Variants in TRAPPC11 observed in about 807,000 individuals in gnomAD.
TRAPPC11 encodes the protein foie gras homolog.
TRAPPC11 carries 104 observed loss-of-function variants against 151.2 expected under a neutral mutation model. That is an observed-to-expected ratio of 0.69 (90% CI 0.59 to 0.81). The LOEUF (loss-of-function observed/expected upper bound fraction) is 0.81. Among genes scored for constraint, TRAPPC11 ranks in the 30% least tolerant of loss-of-function variants. The pLI is 0.00. For missense variants in TRAPPC11, 1,230 were observed against 1,349.6 expected (o/e 0.91, Z 1.39); for synonymous variants, 456 against 472.3 (o/e 0.97, Z 0.45).
In TRAPPC11 at chr4:183,694,726, AT is replaced by A. The variant is rs150593522; in HGVS notation, c.2628+10del. The A allele has an allele frequency of 1.1e-3, 1,695 of 1,603,446 alleles. No individual in the cohort carries two copies. The highest frequency in any genetic ancestry group is 1.4e-3 in the Non-Finnish European group (1,639 of 1,177,618). On this transcript the variant is annotated splice_donor_region_variant and intron_variant, in intron 23 of 29. Transcript: ENST00000334690. ...AAATTGTTTGCAAGTGTCACAAGGT[AT>A]TTTTTTATAGCTACTTTATAAAGCA...
intron 7 of TRAPPC11, chr4:183,675,551 C>T: frequency 6.0e-6 from 1 of 166,056 alleles, no homozygotes; most frequent in Non-Finnish European, 1.3e-5. Context: ...CTGTAAAATT[C>T]TTGTAAGAGG....
rs1316768746 is a variant in TRAPPC11, at chr4:183,682,749, C to G, written c.1131C>G (p.Pro377=). Residue 377 remains proline, a synonymous_variant, in exon 11 of 30, where the codon CCC becomes CCG. Transcript: ENST00000334690. ...ATTTACAGGCTTCTGTAATGTATCC[C>G]AATCCTGATCCCTTAGAAACACAAA... is the stretch of plus-strand genomic sequence containing the variant. The part of the protein sequence containing the change: ...LCNHEASVMY[P]NPDPLETQTG... 1.2e-6 allele frequency: 2 copies of G among 1,612,882 alleles called. No individual in the cohort carries two copies. The highest frequency in any genetic ancestry group is 4.5e-5 in the East Asian group (2 of 44,840).
chr4:183,701,866 A>G (rs1736818917), intron 26 of TRAPPC11, 58 bp downstream of exon 26: 2 of 1,126,696 alleles, frequency 1.8e-6, no homozygotes, highest in Non-Finnish European at 2.7e-6. Context: ...TCATACCTTT[A>G]TTATTCATCT....
intron 25 of TRAPPC11, chr4:183,700,787 A>C (rs1210619707): frequency 4.6e-5 from 7 of 152,214 alleles, no homozygotes; most frequent in African/African-American, 1.2e-4. Context: ...GTGGGTGAGC[A>C]TCCCTCATCT....
chr4:183,705,394 T>C (rs1737005990), intron 27 of TRAPPC11, among the ~76,000 whole-genome samples: 1 of 152,234 alleles, frequency 6.6e-6, no homozygotes, highest in South Asian at 2.1e-4. Flanking sequence ...AATTCCAATG[T>C]TGAAATTTTC....
chr4:183,684,974 G>C, intron 15 of TRAPPC11, 110 bp from the exon 16 acceptor site: 5 of 1,304,576 alleles, frequency 3.8e-6, no homozygotes. Flanking sequence ...ACTGTGCTTA[G>C]TCATCTTAAA....
At chr4:183,698,978 C>T (rs944721067) in intron 25 of TRAPPC11, among the ~76,000 whole-genome samples, 1 of 152,208 alleles carries the variant, frequency 6.6e-6, no homozygotes, top group Non-Finnish European at 1.5e-5. Context: ...CCATTTCTCT[C>T]ACCTGGTCTA....
chr4:183,666,088 AC>A, intron 2 of TRAPPC11, 168 bp from the exon 3 acceptor site: 1 of 531,012 alleles, frequency 1.9e-6, no homozygotes, highest in Non-Finnish European at 3.2e-6. Context: ...TTGAGATTCC[AC>A]CTTCAACACT....
Position 183,667,998 on chromosome 4 carries a change from A to C in TRAPPC11, c.446-5A>C. On this transcript the variant is annotated splice_region_variant and splice_polypyrimidine_tract_variant and intron_variant, in intron 4 of 29. Transcript: ENST00000334690. The stretch of plus-strand genomic sequence containing the variant: ...CTCATTCATCTTGATGGGGATTATC[A>C]ACAGGAGAAGATGTCATTGCTTCAG... 1.3e-6 allele frequency: 2 copies of C among 1,544,102 alleles called. No homozygotes were observed. The highest frequency in any genetic ancestry group is 1.8e-6 in the Non-Finnish European group (2 of 1,117,234).
chr4:183,684,251 A>G (rs763960948), intron 13 of TRAPPC11, 28 bp downstream of exon 13: 7 of 1,612,850 alleles, frequency 4.3e-6, no homozygotes, highest in East Asian at 2.2e-5. Context: ...TCACCATTGC[A>G]TGCAACTTTG....
intron 26 of TRAPPC11, among the ~76,000 whole-genome samples, chr4:183,702,884 T>G (rs898261228): frequency 6.6e-6 from 1 of 152,210 alleles, no homozygotes; most frequent in Non-Finnish European, 1.5e-5. Flanking sequence ...TTTAAGGGAA[T>G]GTTTATACAA....
chr4:183,700,777 G>C (rs186725849), intron 25 of TRAPPC11: 54 of 152,272 alleles, frequency 3.5e-4, no homozygotes, highest in African/African-American at 1.2e-3. Context: ...ATTATACTTA[G>C]TGGGTGAGCA....
chr4:183,709,482 A>C (rs892372572), intron 29 of TRAPPC11, among the ~76,000 whole-genome samples: 3 of 152,116 alleles, frequency 2.0e-5, no homozygotes, highest in African/African-American at 7.2e-5. Flanking sequence ...CATACTTTTA[A>C]ATTGTAAAAG....
At position 183,694,666 on chromosome 4, in the gene TRAPPC11, T is replaced by C; in HGVS notation, c.2571T>C (p.Val857=). The C allele has an allele frequency of 1.2e-6, 2 of 1,610,638 alleles. No individual in the cohort carries two copies. The highest frequency in any genetic ancestry group is 1.7e-6 in the Non-Finnish European group (2 of 1,179,214). ...GTTCCAGAATGTTTCTTGTATATGT[T>C]TCTTACCTGATAAATACAACCGTTG... is the stretch of plus-strand genomic sequence containing the variant. ...TVGSRMFLVY[V]SYLINTTVEE... The change falls in exon 23 of 30, where the codon GTT becomes GTC. Residue 857 remains valine (V), a synonymous_variant. Coordinates refer to ENST00000334690, the MANE Select transcript of TRAPPC11 (RefSeq NM_021942.6).
chr4:183,663,438 T>G (rs1231797584), intron 1 of TRAPPC11, among the ~76,000 whole-genome samples: 1 of 152,202 alleles, frequency 6.6e-6, no homozygotes, highest in Non-Finnish European at 1.5e-5. Context: ...TTTCACCGTG[T>G]TAGCCAGGAT....
chr4:183,673,008 G>C (rs969344121), intron 5 of TRAPPC11, among the ~76,000 whole-genome samples: 1 of 148,388 alleles, frequency 6.7e-6, no homozygotes, highest in Non-Finnish European at 1.5e-5. Flanking sequence ...TGTTGCCCAG[G>C]CTGGAGTACA....
At chr4:183,665,835 T>C (rs1040605826) in intron 2 of TRAPPC11, among the ~76,000 whole-genome samples, 1 of 152,188 alleles carries the variant, frequency 6.6e-6, no homozygotes, top group Non-Finnish European at 1.5e-5. Flanking sequence ...ACAAAGCCTA[T>C]TGGATTTTAG....
rs748050714 is a variant in TRAPPC11 at position 183,701,719 on chromosome 4, T to G, written c.2874T>G (p.Ser958Arg). ...VDNVILQTGESASECFCLQCP... is the reference protein window; with the variant it reads ...VDNVILQTGERASECFCLQCP... The stretch of plus-strand genomic sequence containing the variant: ...TAGTTATCTTACAGACTGGAGAGAG[T>G]GCTAGTGAATGCTTTTGTCTTCAAT... The change falls in exon 26 of 30, where the codon AGT (serine) becomes AGG (arginine). Residue 958 changes from serine (S) to arginine (R), a missense_variant. Ser to Arg is a moderately radical substitution (Grantham distance 110). Coordinates refer to ENST00000334690, the MANE Select transcript of TRAPPC11 (RefSeq NM_021942.6). The G allele has an allele frequency of 8.1e-6, 13 of 1,613,418 alleles. No individual in the cohort carries two copies. The African/African-American group carries it at 1.3e-4, about 17-fold the overall frequency.
At chr4:183,660,033 A>G (rs961772090) in intron 1 of TRAPPC11, among the ~76,000 whole-genome samples, 1 of 152,096 alleles carries the variant, frequency 6.6e-6, no homozygotes, top group Non-Finnish European at 1.5e-5. Flanking sequence ...TTCACCTTCT[A>G]TAGCTGCGCC....
Sources: allele counts gnomAD v4.1 joint callset (sites outside exome capture counted in the v4.1 genomes callset), GRCh38; gene constraint gnomAD v4.1.1; transcripts MANE v1.5; gene names NCBI Gene and HGNC (gene_info 2026-07-23, HGNC 2026-07-21).